The following PALS2 variants were observed in gnomAD, a reference collection of about 807,000 sequenced individuals.
PALS2 encodes the protein protein associated with LIN7 2, MAGUK p55 family member.
Under a neutral mutation model 61.6 loss-of-function variants are expected in PALS2, and 27 were observed. That is an observed-to-expected ratio of 0.44 (90% CI 0.32 to 0.60). The LOEUF (loss-of-function observed/expected upper bound fraction) is 0.60. Among genes scored for constraint, PALS2 ranks in the 20% least tolerant of loss-of-function variants. The pLI is 0.05. For synonymous variants in PALS2, 236 were observed against 218.6 expected, an observed-to-expected ratio of 1.08 and a Z score of -0.70; for missense variants, 554 against 639.4, an observed-to-expected ratio of 0.87 and a Z score of 1.44.
At chr7:24,598,456 A>G (rs903263764) in intron 1 of PALS2, among the ~76,000 whole-genome samples, 1 of 152,210 alleles carries the variant, frequency 6.6e-6, no homozygotes, top group African/African-American at 2.4e-5. Context: ...AGGAAAACAT[A>G]TTAAAATAGT....
At chr7:24,637,905 CA>C (rs534934774) in intron 2 of PALS2, among the ~76,000 whole-genome samples, 134 of 152,188 alleles carry the variant, frequency 8.8e-4, no homozygotes, top group Middle Eastern at 3.4e-3. Flanking sequence ...CCACTTGTGG[CA>C]AGTGAAATAT....
chr7:24,584,076 G>C (rs1364076691), intron 1 of PALS2, among the ~76,000 whole-genome samples: 72 of 140,502 alleles, frequency 5.1e-4, no homozygotes, highest in African/African-American at 1.2e-3. Flanking sequence ...GGACATTTGG[G>C]TTGGTTCCAA....
intron 1 of PALS2, among the ~76,000 whole-genome samples, chr7:24,583,706 A>G (rs1315937598): frequency 1.4e-5 from 2 of 147,384 alleles, no homozygotes; most frequent in Non-Finnish European, 3.0e-5. Context: ...ACATGTGCAC[A>G]TTGTGCAGGT....
intron 3 of PALS2, among the ~76,000 whole-genome samples, chr7:24,643,185 T>C (rs144852952): frequency 3.9e-5 from 6 of 152,276 alleles, no homozygotes; most frequent in East Asian, 1.9e-4. Flanking sequence ...GACATACTTA[T>C]GTTAAGGAAA....
chr7:24,650,850 TGTCATGG>T (rs1653968288), intron 5 of PALS2, 138 bp downstream of exon 5: 4 of 623,664 alleles, frequency 6.4e-6, no homozygotes, highest in Non-Finnish European at 7.9e-6. Context: ...TGGCTTATTT[TGTCATGG>T]GTGAATTTTT....
At chr7:24,594,474 A>G (rs1783423927) in intron 1 of PALS2, among the ~76,000 whole-genome samples, 1 of 152,020 alleles carries the variant, frequency 6.6e-6, no homozygotes, top group African/African-American at 2.4e-5. Flanking sequence ...AAATGTAATC[A>G]TTTCTAGCTT....
At chr7:24,587,975 C>T (rs1783137713) in intron 1 of PALS2, among the ~76,000 whole-genome samples, 1 of 152,090 alleles carries the variant, frequency 6.6e-6, no homozygotes, top group Non-Finnish European at 1.5e-5. Flanking sequence ...GTTTTGCCCC[C>T]TAAGGGACAT....
intron 3 of PALS2, among the ~76,000 whole-genome samples, chr7:24,645,419 A>G (rs1785782499): frequency 6.6e-6 from 1 of 152,150 alleles, no homozygotes; most frequent in Non-Finnish European, 1.5e-5. Flanking sequence ...CAAAGATCAG[A>G]TAGTCATAGA....
At position 24,668,506 on chromosome 7, in the gene PALS2, T is replaced by C. The variant is rs140080087; in HGVS notation, c.960T>C (p.Asp320=). Residue 320 remains aspartate, a synonymous_variant, in exon 9 of 12, where the codon GAT becomes GAC. Transcript: ENST00000222644. ...ATTTCCTTTTTCATTTAGAATTTGATCGTCATGAAATCCAGATATATGAGG... is the reference window on the plus strand; with the variant it reads ...ATTTCCTTTTTCATTTAGAATTTGACCGTCATGAAATCCAGATATATGAGG... The part of the protein sequence containing the change: ...MYLTTRNAEF[D]RHEIQIYEEV... The C allele has an allele frequency of 2.5e-6, 4 of 1,610,238 alleles. No individual in the cohort carries two copies. The African/African-American group carries it at 5.4e-5, about 22-fold the overall frequency.
chr7:24,650,813 G>GA, intron 5 of PALS2, 101 bp downstream of exon 5: 2 of 851,108 alleles, frequency 2.3e-6, no homozygotes, highest in African/African-American at 1.7e-5. Flanking sequence ...AAAGAAAAGA[G>GA]AAAAAATTGA....
chr7:24,589,898 A>C lies in PALS2; in HGVS notation c.-3+16305A>C, dbSNP rs142705479. ...ATTCATGACTGGCATTTTTGGCAGT[A>C]CTATACTTTGCAATGCAGGATTGTC... On this transcript the variant is annotated intron_variant, in intron 1 of 11. Coordinates refer to ENST00000222644, the MANE Select transcript of PALS2 (RefSeq NM_001303037.2). Among the ~76,000 whole-genome samples the C allele has an allele frequency of 3.9e-3, 594 of 152,258 alleles. 3 individuals are homozygous for C. Among genetic ancestry groups the C allele is most frequent in the African/African-American group, 0.013 (551 of 41,548 alleles).
chr7:24,591,196 T>C (rs1024755677), intron 1 of PALS2, among the ~76,000 whole-genome samples: 1 of 152,116 alleles, frequency 6.6e-6, no homozygotes, highest in South Asian at 2.1e-4. Context: ...GTATACTATG[T>C]CTATTAGGAC....
rs973592655 is a variant in PALS2, at chr7:24,689,579, CTTTTTTT to C, written c.*1976_*1982del. Reference sequence around the variant, plus strand: ...TAAAGTTGGAAATCTATAGGTTTTTCTTTTTTTTTTTTTTTTTCTTTTTTTGATTCTA... The same window carrying C: ...TAAAGTTGGAAATCTATAGGTTTTTCTTTTTTTTTTCTTTTTTTGATTCTA... On this transcript the variant is annotated 3_prime_UTR_variant, in exon 12 of 12. Coordinates refer to ENST00000222644, the MANE Select transcript of PALS2 (RefSeq NM_001303037.2). The C allele has an allele frequency of 3.1e-5, 4 of 129,250 alleles. No individual in the cohort carries two copies. Among genetic ancestry groups the C allele is most frequent in the African/African-American group, 5.8e-5 (2 of 34,482 alleles). The allele number at this position is 129,250 out of a possible 1,614,324, so 8.0% of individuals were successfully genotyped here.
chr7:24,686,098 C>G (rs138455001), intron 11 of PALS2, among the ~76,000 whole-genome samples: 240 of 152,306 alleles, frequency 1.6e-3, no homozygotes, highest in Non-Finnish European at 2.6e-3. Context: ...CCACAGCCAC[C>G]CATTTACCTA....
chr7:24,624,605 C>CTTCTTTTTTTTTT (rs1554302487), intron 2 of PALS2, among the ~76,000 whole-genome samples: 990 of 86,300 alleles, frequency 0.011, 148 homozygotes, highest in East Asian at 0.082. Context: ...GCAGATTCTT[C>CTTCTTTTTTTTTT]TTTTTTTTTT....
intron 1 of PALS2, chr7:24,574,097 G>A (rs1014702283): frequency 6.6e-6 from 1 of 152,284 alleles, no homozygotes; most frequent in African/African-American, 2.4e-5. Context: ...TCCCGAGAGG[G>A]GGTGATTCCG....
intron 2 of PALS2, among the ~76,000 whole-genome samples, chr7:24,625,795 A>G (rs1259771009): frequency 7.2e-5 from 11 of 152,206 alleles, no homozygotes; most frequent in Admixed American, 4.6e-4. Flanking sequence ...GAGTTATCCA[A>G]TAATATGCAA....
At position 24,596,370 on chromosome 7, in the gene PALS2, G is replaced by C. The variant is rs1294993521; in HGVS notation, c.-3+22777G>C. Among the ~76,000 whole-genome samples, 2 of 151,968 alleles carry C rather than the reference G, an allele frequency of 1.3e-5. No individual in the cohort carries two copies. The highest frequency in any genetic ancestry group is 3.9e-4 in the East Asian group (2 of 5,192). ...ATCATTGGATCTGTTATGAATTCTA[G>C]GTATTTTTGTAAGTATATATATAAA... is the stretch of plus-strand genomic sequence containing the variant. On this transcript the variant is annotated intron_variant, in intron 1 of 11. Transcript: ENST00000222644. This position sits in a 1 kb window ranked among gnomAD's most constrained non-coding sequence, Gnocchi z 4.5.
intron 1 of PALS2, among the ~76,000 whole-genome samples, chr7:24,622,808 T>C (rs1583889133): frequency 6.6e-6 from 1 of 151,852 alleles, no homozygotes; most frequent in Non-Finnish European, 1.5e-5. Flanking sequence ...AGTATGATAT[T>C]AGCTGTGGGT....
Sources: allele counts gnomAD v4.1 joint callset (sites outside exome capture counted in the v4.1 genomes callset), GRCh38; gene constraint gnomAD v4.1.1; non-coding constraint Gnocchi (gnomAD v3.1); transcripts MANE v1.5; gene names NCBI Gene and HGNC (gene_info 2026-07-23, HGNC 2026-07-21).